HMCN1: variants seen among roughly 807,000 people sequenced by gnomAD.
HMCN1 encodes the protein hemicentin-1.
HMCN1 carries 321 observed loss-of-function variants against 625.9 expected under a neutral mutation model. That is an observed-to-expected ratio of 0.51 (90% CI 0.47 to 0.56). The LOEUF (loss-of-function observed/expected upper bound fraction) is 0.56, where lower values mean the gene tolerates loss of function less well. HMCN1 is among the 20% of genes least tolerant of loss of function. The pLI, the probability that HMCN1 is intolerant of heterozygous loss-of-function variation, is 0.00. For synonymous variants in HMCN1, 2,425 were observed against 2,417.6 expected (o/e 1.00, Z -0.09); for missense variants, 6,588 against 6,887.3 (o/e 0.96, Z 1.54).
rs34235221 is a variant in HMCN1, at chr1:185,810,654, T to TTGTGTG, written c.269-35342_269-35337dup. Among the ~76,000 whole-genome samples, 290 of 147,678 alleles carry TTGTGTG rather than the reference T, an allele frequency of 2.0e-3. 1 individual carries two copies. Among genetic ancestry groups the TTGTGTG allele is most frequent in the Non-Finnish European group, 2.5e-3 (166 of 66,340 alleles). On this transcript the variant is annotated intron_variant, in intron 1 of 106. Coordinates refer to ENST00000271588, the MANE Select transcript of HMCN1 (RefSeq NM_031935.3). ...AGTGACAACTAAATAAATATCAACTTTGTGTGTGTGTGTGTGTGTGTGTGT... is the reference window on the plus strand; with the variant it reads ...AGTGACAACTAAATAAATATCAACTTTGTGTGTGTGTGTGTGTGTGTGTGTGTGTGT...
At chr1:186,185,633 G>A (rs1653249545) in intron 105 of HMCN1, among the ~76,000 whole-genome samples, 1 of 152,174 alleles carries the variant, frequency 6.6e-6, no homozygotes, top group African/African-American at 2.4e-5. Flanking sequence ...ACTTTGTGGA[G>A]ACTGTTATTG....
chr1:185,794,656 G>A (rs996144932), intron 1 of HMCN1, among the ~76,000 whole-genome samples: 13 of 126,966 alleles, frequency 1.0e-4, no homozygotes, highest in Admixed American at 3.9e-4. Flanking sequence ...GCCGGCAGCT[G>A]ATTAGGTGGT....
chr1:186,037,925 C>G lies in HMCN1; in HGVS notation c.5750-9C>G. 1 of 1,527,810 alleles carries G rather than the reference C, an allele frequency of 6.5e-7. No individual in the cohort carries two copies. The highest frequency in any genetic ancestry group is 1.7e-5 in the Admixed American group (1 of 59,872). 94.6% of individuals were successfully genotyped at this position (1,527,810 alleles called of 1,614,324 possible). A position where few individuals can be genotyped will look rare whatever the true frequency, so the allele number is the denominator to read the frequency against. On this transcript the variant is annotated splice_polypyrimidine_tract_variant and intron_variant, in intron 36 of 106. Coordinates refer to ENST00000271588, the MANE Select transcript of HMCN1 (RefSeq NM_031935.3). ...ATAAGAAATAATTATCTGTTTGGGC[C>G]TCTTGTAGAACCACCTAGTCTGGAA...
chr1:186,033,064 G>GCACACACACACA (rs61063202), intron 36 of HMCN1, among the ~76,000 whole-genome samples: 1 of 140,314 alleles, frequency 7.1e-6, no homozygotes. Context: ...ATACACACAC[G>GCACACACACACA]CACACACACA....
chr1:185,853,364 AT>A (rs1459857099), intron 2 of HMCN1, among the ~76,000 whole-genome samples: 1 of 152,168 alleles, frequency 6.6e-6, no homozygotes, highest in East Asian at 1.9e-4. Flanking sequence ...ATTTAAACTC[AT>A]GCACACTTTG....
chr1:185,989,016 T>C (rs1652197718), intron 20 of HMCN1, among the ~76,000 whole-genome samples: 2 of 148,558 alleles, frequency 1.3e-5, no homozygotes, highest in African/African-American at 5.0e-5. Context: ...TTTTTTTTTT[T>C]TTTTTTTTTG....
At chr1:185,922,246 C>T in intron 6 of HMCN1, 133 bp from the exon 7 acceptor site, 1 of 956,888 alleles carries the variant, frequency 1.0e-6, no homozygotes, top group East Asian at 2.5e-5. Flanking sequence ...ATGTTGAGAA[C>T]ATCAGATCAG....
intron 4 of HMCN1, among the ~76,000 whole-genome samples, chr1:185,906,895 T>C (rs1044595542): frequency 6.6e-6 from 1 of 151,812 alleles, no homozygotes; most frequent in Non-Finnish European, 1.5e-5. Context: ...CTCAAAATTA[T>C]TTATTATCAG....
intron 94 of HMCN1, 33 bp downstream of exon 94, chr1:186,151,382 C>T: frequency 1.9e-6 from 3 of 1,586,992 alleles, no homozygotes; most frequent in Non-Finnish European, 2.6e-6. Context: ...TTTTTAAAAA[C>T]TTATATATTA....
chr1:186,125,513 G>C, intron 81 of HMCN1, 91 bp from the exon 82 acceptor site: 1 of 989,688 alleles, frequency 1.0e-6, no homozygotes, highest in Non-Finnish European at 1.6e-6. Flanking sequence ...AAATTACCCT[G>C]AAAAGAGTTT....
intron 97 of HMCN1, among the ~76,000 whole-genome samples, chr1:186,163,555 T>TC (rs1651670758): frequency 6.6e-6 from 1 of 151,902 alleles, no homozygotes. Flanking sequence ...TCTTGGCTCC[T>TC]CCCCCCAATT....
At chr1:185,981,204 T>G (rs992815506) in intron 17 of HMCN1, 131 bp downstream of exon 17, 2 of 678,346 alleles carry the variant, frequency 2.9e-6, no homozygotes, top group African/African-American at 3.6e-5. Context: ...CAGCCTTCCC[T>G]TCCCTGCCAC....
At chr1:185,794,286 A>T (rs1307588527) in intron 1 of HMCN1, among the ~76,000 whole-genome samples, 2 of 152,038 alleles carry the variant, frequency 1.3e-5, no homozygotes, top group East Asian at 3.9e-4. Context: ...TATTGAATGT[A>T]TACAGTACAT....
chr1:186,182,751 G>T (rs1257277806), intron 105 of HMCN1, among the ~76,000 whole-genome samples: 1 of 152,172 alleles, frequency 6.6e-6, no homozygotes, highest in East Asian at 1.9e-4. Context: ...AGTCTACATT[G>T]ATGTGGAACA....
intron 36 of HMCN1, among the ~76,000 whole-genome samples, chr1:186,029,103 T>G (rs1458904663): frequency 2.0e-5 from 3 of 152,084 alleles, no homozygotes; most frequent in Admixed American, 2.0e-4. Context: ...ATAACATCTT[T>G]ATATTTGCTA....
rs1436027422 is a variant in HMCN1, at chr1:186,145,561, G to A, written c.14425G>A (p.Asp4809Asn). 6.2e-7 allele frequency: 1 copy of A among 1,613,918 alleles called. No individual in the cohort carries two copies. The highest frequency in any genetic ancestry group is 8.5e-7 in the Non-Finnish European group (1 of 1,179,970). ...PDSQIQRCNT[D>N]MCPVDGSWGS... is the part of the protein sequence containing the mutation. ...CTCCCAGATCCAGAGGTGCAACACT[G>A]ACATGTGTCCTGGTGAGCCTCTTGA... is the stretch of plus-strand genomic sequence containing the variant. Residue 4809 changes from aspartate to asparagine, a missense_variant, in exon 92 of 107, where the codon GAC becomes AAC. Asp to Asn is a conservative substitution (Grantham distance 23). Coordinates refer to ENST00000271588, the MANE Select transcript of HMCN1 (RefSeq NM_031935.3).
chr1:186,057,262 G>A lies in HMCN1; in HGVS notation c.7173G>A (p.Arg2391=), dbSNP rs778312463. 1.4e-5 allele frequency: 22 copies of A among 1,611,614 alleles called. No homozygotes were observed. Among genetic ancestry groups the A allele is most frequent in the East Asian group, 2.2e-5 (1 of 44,746 alleles). The change falls in exon 46 of 107, where the codon AGG becomes AGA. Residue 2391 remains arginine (R), a synonymous_variant. Coordinates refer to ENST00000271588, the MANE Select transcript of HMCN1 (RefSeq NM_031935.3). ...HAPPSIIGNH[R]SPENISVVEK... ...CTCCAAGCATCATAGGAAACCACAG[G>A]TCACCTGAAAATATTAGTGTGGTAG...
intron 39 of HMCN1, 116 bp downstream of exon 39, chr1:186,039,995 T>G (rs1656102195): frequency 9.7e-7 from 1 of 1,032,062 alleles, no homozygotes; most frequent in South Asian, 1.3e-5. Context: ...ATGCTATTTT[T>G]TAAATACACA....
intron 4 of HMCN1, among the ~76,000 whole-genome samples, chr1:185,880,277 G>A (rs1664218632): frequency 6.6e-6 from 1 of 151,916 alleles, no homozygotes; most frequent in Non-Finnish European, 1.5e-5. Context: ...TCAGATTGAT[G>A]GAAAAAAAGC....
Sources: gnomAD v4.1 joint callset for allele counts (sites outside exome capture counted in the v4.1 genomes callset) on GRCh38, gnomAD v4.1.1 for gene constraint, MANE v1.5 for transcripts, NCBI Gene and HGNC (gene_info 2026-07-23, HGNC 2026-07-21) for gene names.